Variants in PTPN13 observed in about 807,000 individuals in gnomAD.
PTPN13 encodes the protein protein tyrosine phosphatase non-receptor type 13.
In PTPN13, 191 loss-of-function variants were observed where a neutral mutation model predicts 284.0. That is an observed-to-expected ratio of 0.67 (90% CI 0.60 to 0.76). PTPN13 has a LOEUF of 0.76. PTPN13 is among the 30% of genes least tolerant of loss of function. The pLI is 0.00. For synonymous variants in PTPN13, 986 were observed against 1,022.3 expected (o/e 0.96, Z 0.68); for missense variants, 2,797 against 2,939.9 (o/e 0.95, Z 1.12).
At chr4:86,700,286 C>CACAGAAGG (rs1221258237) in intron 6 of PTPN13, among the ~76,000 whole-genome samples, 3 of 152,054 alleles carry the variant, frequency 2.0e-5, no homozygotes, top group Non-Finnish European at 2.9e-5. Context: ...TCACAGCGAT[C>CACAGAAGG]ACAGAAGGTA....
rs201637345 is a variant in PTPN13 at position 86,771,309 on chromosome 4, A to G, written c.4942A>G (p.Arg1648Gly). Residue 1648 changes from arginine to glycine, a missense_variant, in exon 31 of 48, where the codon AGA becomes GGA. Physicochemically the swap from Arg to Gly is moderately radical, Grantham distance 125. Transcript: ENST00000411767. ...CAAAAAACAGTGCAAGTCCCCATCC[A>G]GAAGAGACAGTTACAGTGACAGCAG... The part of the protein sequence containing the change: ...KSKKQCKSPS[R>G]RDSYSDSSGS... 5.4e-5 allele frequency: 87 copies of G among 1,601,458 alleles called. No individual in the cohort carries two copies. The highest frequency in any genetic ancestry group is 3.4e-6 in the Non-Finnish European group (4 of 1,173,884).
intron 35 of PTPN13, among the ~76,000 whole-genome samples, chr4:86,777,576 A>G (rs1332683110): frequency 1.3e-5 from 2 of 152,156 alleles, no homozygotes; most frequent in Non-Finnish European, 2.9e-5. Context: ...GAATGTAAAC[A>G]TCTTGGAAGG....
chr4:86,807,060 GGTGA>G (rs1254117254), intron 44 of PTPN13, among the ~76,000 whole-genome samples: 2 of 152,078 alleles, frequency 1.3e-5, no homozygotes, highest in Non-Finnish European at 2.9e-5. Flanking sequence ...AATTTTATTA[GGTGA>G]GTGAGAGTTA....
intron 3 of PTPN13, among the ~76,000 whole-genome samples, chr4:86,679,522 T>C (rs1464531868): frequency 2.0e-5 from 3 of 152,356 alleles, no homozygotes; most frequent in African/African-American, 7.2e-5. Flanking sequence ...CCTGGAGGTG[T>C]GACGCAGCCA....
At chr4:86,686,799 T>C in intron 4 of PTPN13, 24 bp downstream of exon 4, 13 of 1,489,558 alleles carry the variant, frequency 8.7e-6, no homozygotes, top group Non-Finnish European at 1.2e-5. Flanking sequence ...TTACAGTTGT[T>C]ATACTTTTTA....
chr4:86,791,293 G>T lies in PTPN13; in HGVS notation c.6345+5357G>T, dbSNP rs572411665. ...TGACACTGCAGCTTGACCAGTGGGG[G>T]GCATCCACCATTGCTGAGGCTTGAG... On this transcript the variant is annotated intron_variant, in intron 40 of 47. Transcript: ENST00000411767. 2.0e-5 allele frequency among the ~76,000 whole-genome samples: 3 copies of T among 152,272 alleles called. No individual in the cohort carries two copies. The East Asian group carries it at 5.8e-4, about 29-fold the overall frequency.
intron 10 of PTPN13, among the ~76,000 whole-genome samples, chr4:86,725,770 C>T (rs1325310145): frequency 1.3e-5 from 2 of 149,362 alleles, no homozygotes; most frequent in Non-Finnish European, 3.0e-5. Context: ...CTGTAGGTTG[C>T]CTGTTCACGC....
intron 1 of PTPN13, among the ~76,000 whole-genome samples, chr4:86,598,839 A>T (rs910236540): frequency 6.6e-6 from 1 of 152,138 alleles, no homozygotes; most frequent in African/African-American, 2.4e-5. Flanking sequence ...ATCATAGCTC[A>T]CTGCAACTTT....
At chr4:86,635,533 C>G (rs1279575720) in intron 2 of PTPN13, among the ~76,000 whole-genome samples, 162 bp downstream of exon 2, 1 of 152,130 alleles carries the variant, frequency 6.6e-6, no homozygotes. Flanking sequence ...TGAAAAAGCT[C>G]AGCTATTATC....
chr4:86,626,811 A>T (rs367834769), intron 1 of PTPN13, among the ~76,000 whole-genome samples: 16 of 152,240 alleles, frequency 1.1e-4, no homozygotes, highest in South Asian at 1.0e-3. Context: ...TTTCAACTGC[A>T]CAGAGGGTCA....
intron 1 of PTPN13, among the ~76,000 whole-genome samples, chr4:86,620,318 A>G (rs1379245728): frequency 6.6e-6 from 1 of 152,074 alleles, no homozygotes; most frequent in Non-Finnish European, 1.5e-5. Context: ...GGCACACACC[A>G]CCATAGCCAG....
intron 2 of PTPN13, among the ~76,000 whole-genome samples, chr4:86,639,378 A>G (rs368592651): frequency 1.3e-5 from 2 of 152,154 alleles, no homozygotes; most frequent in East Asian, 1.9e-4. Flanking sequence ...ACACGCACAC[A>G]TATGTTTATT....
intron 19 of PTPN13, 96 bp downstream of exon 19, chr4:86,751,220 T>A: frequency 1.1e-6 from 1 of 879,864 alleles, no homozygotes. Context: ...TTGGGTTCCA[T>A]GTCCTAATTG....
chr4:86,629,961 A>G (rs1722287527), intron 1 of PTPN13, among the ~76,000 whole-genome samples: 1 of 152,084 alleles, frequency 6.6e-6, no homozygotes, highest in Non-Finnish European at 1.5e-5. Flanking sequence ...GAGACGAGGT[A>G]TCGCTGTATT....
Position 86,807,707 on chromosome 4 carries a change from G to T in PTPN13, c.6893G>T (p.Trp2298Leu). ...TTVGDFWQMI[W>L]EQKSTVIAMM... ...GTTGGAGACTTCTGGCAGATGATTTGGGAGCAAAAATCCACAGTGATAGCC... is the reference window on the plus strand; with the variant it reads ...GTTGGAGACTTCTGGCAGATGATTTTGGAGCAAAAATCCACAGTGATAGCC... Residue 2298 changes from tryptophan to leucine, a missense_variant, in exon 45 of 48, where the codon TGG (tryptophan) becomes TTG (leucine). Transcript: ENST00000411767. 6.2e-7 allele frequency: 1 copy of T among 1,613,954 alleles called. No individual in the cohort carries two copies. Among genetic ancestry groups the T allele is most frequent in the Non-Finnish European group, 8.5e-7 (1 of 1,179,874 alleles).
chr4:86,596,833 G>A (rs1214248351), intron 1 of PTPN13, among the ~76,000 whole-genome samples: 1 of 152,030 alleles, frequency 6.6e-6, no homozygotes, highest in African/African-American at 2.4e-5. Context: ...TTTTGACAGA[G>A]GGTGTAATTT....
chr4:86,771,473 T>A lies in PTPN13; in HGVS notation c.5106T>A (p.Asp1702Glu), dbSNP rs983022047. The A allele has an allele frequency of 6.4e-7, 1 of 1,565,706 alleles. No homozygotes were observed. Among genetic ancestry groups the A allele is most frequent in the Admixed American group, 1.9e-5 (1 of 52,584 alleles). Residue 1702 changes from aspartate to glutamate, a missense_variant, in exon 31 of 48, where the codon GAT becomes GAA. Asp to Glu is a conservative substitution (Grantham distance 45, BLOSUM62 2). Transcript: ENST00000411767. ...ATGAAGCACCCAAGAGTCAAGAAGA[T>A]ACCATTTGTACCATGTTTTACTATC... Reference protein sequence around the residue: ...SHHEAPKSQEDTICTMFYYPQ... With the variant: ...SHHEAPKSQEETICTMFYYPQ...
intron 9 of PTPN13, 93 bp from the exon 10 acceptor site, chr4:86,722,119 T>G (rs1733735624): frequency 1.9e-6 from 2 of 1,040,140 alleles, no homozygotes; most frequent in Non-Finnish European, 2.9e-6. Context: ...TTGTTTAAAC[T>G]CTTGCAACCT....
intron 14 of PTPN13, 39 bp downstream of exon 14, chr4:86,734,914 G>C (rs753103574): frequency 1.3e-6 from 2 of 1,591,570 alleles, no homozygotes; most frequent in South Asian, 1.1e-5. Context: ...TTTTTGTTTG[G>C]TGTTGTTACC....
Sources: allele counts gnomAD v4.1 joint callset (sites outside exome capture counted in the v4.1 genomes callset), GRCh38; gene constraint gnomAD v4.1.1; transcripts MANE v1.5; gene names NCBI Gene and HGNC (gene_info 2026-07-23, HGNC 2026-07-21).